The following SLC38A12 variants were observed in gnomAD, a reference collection of about 807,000 sequenced individuals.
The protein encoded by SLC38A12 is putative sodium-coupled neutral amino acid transporter 12.
the SLC38A12 span, among the ~76,000 whole-genome samples, chr17:74,825,434 T>C: frequency 3.3e-5 from 5 of 152,226 alleles, no homozygotes; most frequent in African/African-American, 1.2e-4. Flanking sequence ...AGGAACCCAG[T>C]GTTTCTGTTT....
At chr17:74,784,059 G>A in the SLC38A12 span, among the ~76,000 whole-genome samples, 7 of 150,020 alleles carry the variant, frequency 4.7e-5, no homozygotes, top group African/African-American at 1.7e-4. Context: ...AAACAAAATT[G>A]ATGGAGTCTG....
At chr17:74,838,709 A>G in the SLC38A12 span, 3 of 1,436,980 alleles carry the variant, frequency 2.1e-6, no homozygotes, top group East Asian at 2.5e-5. Context: ...CTTCCTCTCC[A>G]TCGATGCCAG....
chr17:74,834,410 G>C, the SLC38A12 span, among the ~76,000 whole-genome samples: 1 of 152,074 alleles, frequency 6.6e-6, no homozygotes, highest in Non-Finnish European at 1.5e-5. Context: ...ATTTTCTCAG[G>C]CCGGTTTCCA....
At chr17:74,811,308 C>T in the SLC38A12 span, among the ~76,000 whole-genome samples, 1 of 151,526 alleles carries the variant, frequency 6.6e-6, no homozygotes, top group South Asian at 2.1e-4. Flanking sequence ...CCAGCCTGGG[C>T]AACAGAGCGA....
At chr17:74,782,058 T>G in the SLC38A12 span, among the ~76,000 whole-genome samples, 1 of 152,212 alleles carries the variant, frequency 6.6e-6, no homozygotes, top group Non-Finnish European at 1.5e-5. Flanking sequence ...AGTGCCCTGA[T>G]TGTTTGCTTC....
chr17:74,793,539 G>C, the SLC38A12 span, among the ~76,000 whole-genome samples: 1 of 152,220 alleles, frequency 6.6e-6, no homozygotes, highest in Non-Finnish European at 1.5e-5. Flanking sequence ...TTCTCAGGAA[G>C]TTCATTGATC....
At chr17:74,786,648 C>T in the SLC38A12 span, among the ~76,000 whole-genome samples, 17 of 152,022 alleles carry the variant, frequency 1.1e-4, no homozygotes, top group South Asian at 8.3e-4. Context: ...GGAGTGGGTG[C>T]GGGCGGAAGG....
At chr17:74,800,308 C>T in the SLC38A12 span, among the ~76,000 whole-genome samples, 16 of 152,210 alleles carry the variant, frequency 1.1e-4, no homozygotes, top group African/African-American at 3.9e-4. Flanking sequence ...CGCCTTTGCA[C>T]GTCTGCCCAT....
chr17:74,833,701 G>A, the SLC38A12 span, among the ~76,000 whole-genome samples: 1 of 152,200 alleles, frequency 6.6e-6, no homozygotes, highest in Non-Finnish European at 1.5e-5. Context: ...AGGGCCCAGG[G>A]CCGAGTGACA....
At chr17:74,836,948 A>G in the SLC38A12 span, 1 of 1,289,190 alleles carries the variant, frequency 7.8e-7, no homozygotes, top group Non-Finnish European at 9.8e-7. The surrounding 1 kb of genome is among the most constrained non-coding windows in gnomAD (Gnocchi z 4.2). Flanking sequence ...TCTAAGACTC[A>G]TTACTGGAAT....
the SLC38A12 span, among the ~76,000 whole-genome samples, chr17:74,792,706 G>A: frequency 6.6e-6 from 1 of 152,214 alleles, no homozygotes; most frequent in African/African-American, 2.4e-5. Flanking sequence ...CTGCTTTTTA[G>A]GACGTTAAGC....
At chr17:74,811,875 A>AAAT in the SLC38A12 span, among the ~76,000 whole-genome samples, 7 of 151,986 alleles carry the variant, frequency 4.6e-5, no homozygotes, top group East Asian at 3.9e-4. Flanking sequence ...TCTGCAAAAA[A>AAAT]AATAATAATA....
At chr17:74,787,640 A>G in the SLC38A12 span, among the ~76,000 whole-genome samples, 1 of 151,914 alleles carries the variant, frequency 6.6e-6, no homozygotes, top group Non-Finnish European at 1.5e-5. Flanking sequence ...AAAAAAAAAA[A>G]AAAGAAAGCA....
the SLC38A12 span, among the ~76,000 whole-genome samples, chr17:74,791,576 C>G: frequency 6.6e-5 from 10 of 152,394 alleles, 1 homozygote; most frequent in South Asian, 2.1e-3. Flanking sequence ...CTCTTCTGGC[C>G]GATTCTGTCT....
At chr17:74,828,961 A>G in the SLC38A12 span, among the ~76,000 whole-genome samples, 1 of 152,200 alleles carries the variant, frequency 6.6e-6, no homozygotes, top group Non-Finnish European at 1.5e-5. Context: ...TGAGACACCC[A>G]TAGAAATACA....
chr17:74,809,939 T>A, the SLC38A12 span, among the ~76,000 whole-genome samples: 1 of 152,216 alleles, frequency 6.6e-6, no homozygotes, highest in African/African-American at 2.4e-5. Flanking sequence ...CTCCGCTAGC[T>A]GGGCGAAGGG....
chr17:74,836,199 A>G, the SLC38A12 span: 1 of 1,612,334 alleles, frequency 6.2e-7, no homozygotes, highest in Non-Finnish European at 8.5e-7. The surrounding 1 kb of genome is among the most constrained non-coding windows in gnomAD (Gnocchi z 4.2). Flanking sequence ...CGACAGCCTC[A>G]TGGACATGTA....
the SLC38A12 span, among the ~76,000 whole-genome samples, chr17:74,802,074 T>C: frequency 1.4e-4 from 22 of 152,270 alleles, no homozygotes; most frequent in African/African-American, 5.3e-4. Flanking sequence ...TCCCTTCACC[T>C]TGCTGAGGAC....
the SLC38A12 span, among the ~76,000 whole-genome samples, chr17:74,798,647 C>A: frequency 6.6e-6 from 1 of 152,216 alleles, no homozygotes; most frequent in African/African-American, 2.4e-5. Context: ...CAGGCCACTG[C>A]AGCTGGAGCC....
Sources: allele counts gnomAD v4.1 joint callset (sites outside exome capture counted in the v4.1 genomes callset), GRCh38; gene constraint gnomAD v4.1.1; non-coding constraint Gnocchi (gnomAD v3.1); transcripts MANE v1.5; gene names NCBI Gene and HGNC (gene_info 2026-07-23, HGNC 2026-07-21).